The following AUTS2 variants were observed in gnomAD, a reference collection of about 807,000 sequenced individuals.
AUTS2 encodes the protein activator of transcription and developmental regulator AUTS2, also known as autism susceptibility gene 2 protein.
A neutral mutation model predicts 112.4 loss-of-function variants in AUTS2; 17 were observed. That is an observed-to-expected ratio of 0.15 (90% CI 0.10 to 0.23). The LOEUF (loss-of-function observed/expected upper bound fraction) is 0.23. AUTS2 is among the 10% of genes least tolerant of loss of function. The pLI is 1.00. For missense variants in AUTS2, 1,510 were observed against 1,701.6 expected, an observed-to-expected ratio of 0.89 and a Z score of 1.98; for synonymous variants, 751 against 702.7, an observed-to-expected ratio of 1.07 and a Z score of -1.09.
intron 5 of AUTS2, among the ~76,000 whole-genome samples, chr7:70,561,286 G>T (rs534742119): frequency 6.6e-6 from 1 of 152,178 alleles, no homozygotes; most frequent in Non-Finnish European, 1.5e-5. Context: ...TACCAGTCGA[G>T]ATGCTTTTAG....
intron 5 of AUTS2, among the ~76,000 whole-genome samples, chr7:70,689,260 A>T (rs1264483918): frequency 6.6e-6 from 1 of 151,928 alleles, no homozygotes; most frequent in Non-Finnish European, 1.5e-5. Flanking sequence ...ACTCCCAGCT[A>T]CTCCCAACTA....
intron 5 of AUTS2, among the ~76,000 whole-genome samples, chr7:70,697,568 C>CCT (rs1554464437): frequency 7.0e-6 from 1 of 142,682 alleles, no homozygotes; most frequent in South Asian, 2.6e-4. Flanking sequence ...ATTCCCCCCC[C>CCT]CCATTTCCTA....
intron 5 of AUTS2, among the ~76,000 whole-genome samples, chr7:70,438,525 G>T (rs539118587): frequency 6.6e-6 from 1 of 152,108 alleles, no homozygotes; most frequent in Non-Finnish European, 1.5e-5. Flanking sequence ...TCTCCAGGGG[G>T]CTCCCAACAG....
chr7:70,408,480 G>C (rs933003786), intron 4 of AUTS2, among the ~76,000 whole-genome samples: 9 of 152,146 alleles, frequency 5.9e-5, no homozygotes, highest in African/African-American at 1.7e-4. Flanking sequence ...AGATAGGGAG[G>C]TCTAATCAGG....
At chr7:70,629,769 C>A (rs75742317) in intron 5 of AUTS2, among the ~76,000 whole-genome samples, 1 of 147,976 alleles carries the variant, frequency 6.8e-6, no homozygotes, top group Non-Finnish European at 1.5e-5. Context: ...TTTTTTTTTT[C>A]TTTTTTAAAA....
intron 6 of AUTS2, among the ~76,000 whole-genome samples, chr7:70,725,290 T>C (rs1386569202): frequency 1.3e-5 from 2 of 152,202 alleles, no homozygotes; most frequent in Non-Finnish European, 2.9e-5. Flanking sequence ...GTCAGCACCC[T>C]GAAAGCCTGT....
At chr7:70,377,962 T>C (rs1351709307) in intron 4 of AUTS2, among the ~76,000 whole-genome samples, 1 of 151,576 alleles carries the variant, frequency 6.6e-6, no homozygotes, top group Non-Finnish European at 1.5e-5. Context: ...GTATTTTTAG[T>C]AGAGACGGGG....
At chr7:70,755,848 A>G (rs1789162405) in intron 6 of AUTS2, among the ~76,000 whole-genome samples, 2 of 151,992 alleles carry the variant, frequency 1.3e-5, no homozygotes, top group Non-Finnish European at 1.5e-5. Flanking sequence ...AAATTTAATA[A>G]GTATACTTTA....
At chr7:70,666,545 T>C (rs986788864) in intron 5 of AUTS2, among the ~76,000 whole-genome samples, 1 of 152,208 alleles carries the variant, frequency 6.6e-6, no homozygotes, top group African/African-American at 2.4e-5. Context: ...CCCATCTAAC[T>C]TTGTCATTCC....
intron 1 of AUTS2, among the ~76,000 whole-genome samples, chr7:69,703,029 T>G (rs752310248): frequency 2.0e-5 from 3 of 152,172 alleles, no homozygotes; most frequent in Non-Finnish European, 2.9e-5. Context: ...TGCCATTACT[T>G]TCAATGGCAA....
At chr7:70,410,525 T>C (rs933081912) in intron 4 of AUTS2, among the ~76,000 whole-genome samples, 1 of 151,314 alleles carries the variant, frequency 6.6e-6, no homozygotes, top group African/African-American at 2.4e-5. Context: ...CTGGGCTTGA[T>C]TGAGCCTCCC....
intron 3 of AUTS2, among the ~76,000 whole-genome samples, chr7:70,132,211 T>G (rs1442802237): frequency 6.7e-6 from 1 of 149,798 alleles, no homozygotes; most frequent in African/African-American, 2.5e-5. Context: ...TTGGCACATG[T>G]GAATGGCTCC....
intron 2 of AUTS2, among the ~76,000 whole-genome samples, chr7:70,026,578 G>A (rs1007702052): frequency 3.3e-5 from 5 of 152,132 alleles, no homozygotes; most frequent in Admixed American, 2.0e-4. Flanking sequence ...CTCATACCTT[G>A]CCAACTCAAA....
intron 5 of AUTS2, among the ~76,000 whole-genome samples, chr7:70,591,509 T>G (rs1207845238): frequency 6.6e-6 from 1 of 152,210 alleles, no homozygotes. Flanking sequence ...GCGGTTCTTC[T>G]GCCTCAGCCA....
intron 6 of AUTS2, among the ~76,000 whole-genome samples, chr7:70,751,431 T>G (rs1788840491): frequency 6.6e-6 from 1 of 152,224 alleles, no homozygotes; most frequent in Admixed American, 6.5e-5. Flanking sequence ...TCTTTTTAAT[T>G]TTTTTACACC....
chr7:70,233,001 C>G (rs1474271754), intron 4 of AUTS2, among the ~76,000 whole-genome samples: 1 of 152,192 alleles, frequency 6.6e-6, no homozygotes, highest in Non-Finnish European at 1.5e-5. Flanking sequence ...TAACTCTATG[C>G]AATTCACATA....
chr7:70,020,766 C>A (rs1800234767), intron 2 of AUTS2, among the ~76,000 whole-genome samples: 1 of 152,128 alleles, frequency 6.6e-6, no homozygotes, highest in African/African-American at 2.4e-5. Flanking sequence ...TCACTGCAGC[C>A]TTGATCTCCC....
intron 5 of AUTS2, among the ~76,000 whole-genome samples, chr7:70,534,209 T>C (rs1800214199): frequency 1.3e-5 from 2 of 152,190 alleles, no homozygotes; most frequent in Non-Finnish European, 2.9e-5. Flanking sequence ...CTGGGTGAGA[T>C]GGCCTCATGG....
intron 4 of AUTS2, among the ~76,000 whole-genome samples, chr7:70,312,772 C>T (rs555844236): frequency 2.0e-5 from 3 of 152,306 alleles, no homozygotes; most frequent in African/African-American, 4.8e-5. Context: ...TTCTGCATGG[C>T]CCAACAGAGT....
Sources: gnomAD v4.1 joint callset for allele counts (sites outside exome capture counted in the v4.1 genomes callset) on GRCh38, gnomAD v4.1.1 for gene constraint, MANE v1.5 for transcripts, NCBI Gene and HGNC (gene_info 2026-07-23, HGNC 2026-07-21) for gene names.